The following NFATC2 variants were observed in gnomAD, a reference collection of about 807,000 sequenced individuals.
The protein encoded by NFATC2 is nuclear factor of activated T-cells, cytoplasmic 2.
A neutral mutation model predicts 87.3 loss-of-function variants in NFATC2; 22 were observed. The observed-to-expected ratio is 0.25, with a 90% CI of 0.18 to 0.36. The LOEUF (loss-of-function observed/expected upper bound fraction) is 0.36, where lower values mean the gene tolerates loss of function less well. Ranked by LOEUF, NFATC2 falls within the 10% of genes least tolerant of loss-of-function variation. The probability of loss-of-function intolerance (pLI) is 1.00; values close to 1 mark genes in which losing one functional copy is unlikely to be tolerated. For synonymous variants in NFATC2, 565 were observed against 542.2 expected, an observed-to-expected ratio of 1.04 and a Z score of -0.58; for missense variants, 1,149 against 1,259.1, an observed-to-expected ratio of 0.91 and a Z score of 1.32.
At position 51,489,611 on chromosome 20, in the gene NFATC2, G is replaced by A. The variant is rs143256124; in HGVS notation, c.1333-13951C>T. ...GACAGTAAGACAACCATGTCTAGGCGGCTTCTGGTTAAACAAACTCAAGGT... is the reference window on the plus strand; with the variant it reads ...GACAGTAAGACAACCATGTCTAGGCAGCTTCTGGTTAAACAAACTCAAGGT... On this transcript the variant is annotated intron_variant, in intron 3 of 10. Transcript: ENST00000371564. Among the ~76,000 whole-genome samples, 585 of 152,216 alleles carry A rather than the reference G, an allele frequency of 3.8e-3. 4 individuals are homozygous for A. The highest frequency in any genetic ancestry group is 0.013 in the African/African-American group (549 of 41,520).
At chr20:51,396,010 A>G in intron 10 of NFATC2, among the ~76,000 whole-genome samples, 1 of 138,216 alleles carries the variant, frequency 7.2e-6, no homozygotes, top group South Asian at 2.5e-4. Flanking sequence ...GATTGACCCA[A>G]GAGCTGTAGT....
At chr20:51,442,443 GTAAAA>G (rs1212639102) in intron 6 of NFATC2, among the ~76,000 whole-genome samples, 2 of 151,954 alleles carry the variant, frequency 1.3e-5, no homozygotes, top group African/African-American at 2.4e-5. Context: ...AAAAAATAAA[GTAAAA>G]TAAAATAAAA....
At chr20:51,506,759 G>A (rs888341280) in intron 3 of NFATC2, among the ~76,000 whole-genome samples, 1 of 151,952 alleles carries the variant, frequency 6.6e-6, no homozygotes, top group Non-Finnish European at 1.5e-5. Flanking sequence ...GGGGGCCTGC[G>A]AAGTGGTCCC....
At position 51,398,739 on chromosome 20, in the gene NFATC2, G is replaced by C. The variant is rs1364836333; in HGVS notation, c.2723-9C>G. 6.3e-7 allele frequency: 1 copy of C among 1,589,382 alleles called. No individual in the cohort carries two copies. Among genetic ancestry groups the C allele is most frequent in the Admixed American group, 1.7e-5 (1 of 59,392 alleles). Reference sequence around the variant, plus strand: ...GTGTGTGTCTATCAGCTCTGAAAAAGATTTGCAAAATCATTTTTGAGAAGA... The same window carrying C: ...GTGTGTGTCTATCAGCTCTGAAAAACATTTGCAAAATCATTTTTGAGAAGA... On this transcript the variant is annotated splice_polypyrimidine_tract_variant and intron_variant, in intron 9 of 10. Coordinates refer to ENST00000371564, the MANE Select transcript of NFATC2 (RefSeq NM_012340.5).
At chr20:51,473,510 C>A (rs1988429313) in intron 5 of NFATC2, among the ~76,000 whole-genome samples, 1 of 152,194 alleles carries the variant, frequency 6.6e-6, no homozygotes, top group Non-Finnish European at 1.5e-5. Flanking sequence ...GCTCCCGGGA[C>A]TGCTGTGAAT....
chr20:51,482,698 T>C (rs1452704846), intron 3 of NFATC2, among the ~76,000 whole-genome samples: 1 of 152,242 alleles, frequency 6.6e-6, no homozygotes, highest in African/African-American at 2.4e-5. Flanking sequence ...CTTAGCACTT[T>C]TGAAATATAG....
chr20:51,535,283 C>T (rs752360298), intron 1 of NFATC2, among the ~76,000 whole-genome samples: 4 of 152,236 alleles, frequency 2.6e-5, no homozygotes, highest in Non-Finnish European at 4.4e-5. Flanking sequence ...CTCTGCCCAA[C>T]TTAGCAAACA....
intron 3 of NFATC2, among the ~76,000 whole-genome samples, chr20:51,503,198 G>GCC (rs1395773371): frequency 6.6e-6 from 1 of 152,178 alleles, no homozygotes; most frequent in Non-Finnish European, 1.5e-5. Context: ...CCTGTACACA[G>GCC]CTTGTATTAA....
intron 9 of NFATC2, among the ~76,000 whole-genome samples, chr20:51,404,438 G>A (rs1049328493): frequency 1.3e-5 from 2 of 152,224 alleles, no homozygotes; most frequent in Non-Finnish European, 2.9e-5. Flanking sequence ...TAAGAACTCT[G>A]TACCACATTA....
At chr20:51,418,134 C>T (rs1437848498) in intron 9 of NFATC2, among the ~76,000 whole-genome samples, 2 of 152,216 alleles carry the variant, frequency 1.3e-5, no homozygotes, top group African/African-American at 4.8e-5. Flanking sequence ...GACACTAGTT[C>T]CCGGTGGCTT....
intron 1 of NFATC2, among the ~76,000 whole-genome samples, chr20:51,528,821 C>T (rs2076587667): frequency 6.6e-6 from 1 of 152,186 alleles, no homozygotes; most frequent in African/African-American, 2.4e-5. Flanking sequence ...AGCAGCGTGA[C>T]TTTGGAAAAG....
chr20:51,550,993 T>C (rs181142028), intron 1 of NFATC2, among the ~76,000 whole-genome samples: 1 of 152,316 alleles, frequency 6.6e-6, no homozygotes, highest in East Asian at 1.9e-4. Context: ...AAAACACTGC[T>C]TATAAAAGGC....
At chr20:51,555,786 C>T (rs1235173176) in intron 1 of NFATC2, among the ~76,000 whole-genome samples, 3 of 152,042 alleles carry the variant, frequency 2.0e-5, no homozygotes, top group Non-Finnish European at 2.9e-5. Flanking sequence ...ATCTTTCAGG[C>T]GGATTCCTCA....
chr20:51,453,493 G>A (rs1460965769), intron 6 of NFATC2, among the ~76,000 whole-genome samples: 2 of 152,178 alleles, frequency 1.3e-5, no homozygotes, highest in Non-Finnish European at 2.9e-5. Context: ...TAAGGAAAAG[G>A]AAAATTGGTT....
intron 9 of NFATC2, among the ~76,000 whole-genome samples, chr20:51,421,267 A>G (rs190259984): frequency 1.4e-4 from 22 of 152,276 alleles, no homozygotes; most frequent in Non-Finnish European, 1.3e-4. Context: ...ATATTTAATT[A>G]AAAGTTTTAA....
At chr20:51,562,655 T>G, upstream of NFATC2, 2 of 1,547,674 alleles carry the variant, frequency 1.3e-6, no homozygotes, top group African/African-American at 2.7e-5. This position sits in a 1 kb window ranked among gnomAD's most constrained non-coding sequence, Gnocchi z 5.8. Flanking sequence ...ACTTGGCGCG[T>G]GTTTGGAAAG....
chr20:51,452,342 C>T (rs1985904758), intron 6 of NFATC2, among the ~76,000 whole-genome samples: 1 of 152,150 alleles, frequency 6.6e-6, no homozygotes, highest in African/African-American at 2.4e-5. Flanking sequence ...TGTGACAGCT[C>T]CTCCTCTGCC....
intron 9 of NFATC2, among the ~76,000 whole-genome samples, chr20:51,409,253 C>G (rs1370946991): frequency 6.6e-6 from 1 of 152,204 alleles, no homozygotes; most frequent in Non-Finnish European, 1.5e-5. Flanking sequence ...AGAAAGTCCT[C>G]TGTGTGCAAG....
intron 1 of NFATC2, among the ~76,000 whole-genome samples, chr20:51,541,520 G>A (rs2076816921): frequency 6.6e-6 from 1 of 152,164 alleles, no homozygotes; most frequent in African/African-American, 2.4e-5. Flanking sequence ...GCCCAGCCCG[G>A]GGAAGTCCCC....
Sources: gnomAD v4.1 joint callset for allele counts (sites outside exome capture counted in the v4.1 genomes callset) on GRCh38, gnomAD v4.1.1 for gene constraint, Gnocchi (gnomAD v3.1) non-coding constraint, MANE v1.5 for transcripts, NCBI Gene and HGNC (gene_info 2026-07-23, HGNC 2026-07-21) for gene names.